The following IL18RAP variants were observed in gnomAD, a reference collection of about 807,000 sequenced individuals.
IL18RAP encodes interleukin-18 receptor accessory protein.
A neutral mutation model predicts 58.1 loss-of-function variants in IL18RAP; 37 were observed. The ratio of observed to expected loss-of-function variants is 0.64; its 90% CI spans 0.49 to 0.84. The LOEUF is 0.84. Among genes scored for constraint, IL18RAP ranks in the 40% least tolerant of loss-of-function variants. IL18RAP has a pLI of 0.00. For synonymous variants in IL18RAP, 268 were observed against 257.5 expected (o/e 1.04, Z -0.39); for missense variants, 667 against 704.8 (o/e 0.95, Z 0.61).
Position 102,447,188 on chromosome 2 carries a change from C to G in IL18RAP, c.1191C>G (p.Ser397Arg). The change falls in exon 8 of 10, where the codon AGC becomes AGG. Residue 397 changes from serine (S) to arginine (R), a missense_variant. By Grantham distance (110) the Ser-to-Arg change is moderately radical. Transcript: ENST00000687160. Reference sequence around the variant, plus strand: ...TGCTGCTGTACCGGACCTACCAGAGCAAGGATCAGACGCTTGGGGGTAAGT... The same window carrying G: ...TGCTGCTGTACCGGACCTACCAGAGGAAGGATCAGACGCTTGGGGGTAAGT... Reference protein sequence around the residue: ...EIVLLYRTYQSKDQTLGDKKD... With the variant: ...EIVLLYRTYQRKDQTLGDKKD... 6.2e-7 allele frequency: 1 copy of G among 1,613,924 alleles called. No homozygotes were observed. Among genetic ancestry groups the G allele is most frequent in the Non-Finnish European group, 8.5e-7 (1 of 1,179,884 alleles).
At position 102,424,341 on chromosome 2, in the gene IL18RAP, G is replaced by A. The variant is rs1681790582; in HGVS notation, c.506G>A (p.Ser169Asn). The change falls in exon 3 of 10, where the codon AGC becomes AAC. Residue 169 changes from serine to asparagine, a missense_variant. Transcript: ENST00000687160. The part of the protein sequence containing the change: ...ASHKQDLLLG[S>N]TGSISCPSLS... ...CATAAGCAAGACCTACTTCTTGGGA[G>A]CACTGGCTCTATTTCTTGCCCCAGT... The A allele has an allele frequency of 2.5e-6, 4 of 1,614,044 alleles. No homozygotes were observed. Among genetic ancestry groups the A allele is most frequent in the Non-Finnish European group, 3.4e-6 (4 of 1,179,956 alleles).
chr2:102,445,096 C>A, intron 6 of IL18RAP, 93 bp from the exon 7 acceptor site: 1 of 1,144,124 alleles, frequency 8.7e-7, no homozygotes, highest in Non-Finnish European at 1.3e-6. Context: ...TCTCTAAAAG[C>A]CAAACTGTTG....
Position 102,424,060 on chromosome 2 carries a change from A to G in IL18RAP, c.320A>G (p.Asp107Gly), listed in dbSNP as rs771076732. The G allele has an allele frequency of 6.2e-7, 1 of 1,614,146 alleles. No homozygotes were observed. The highest frequency in any genetic ancestry group is 1.1e-5 in the South Asian group (1 of 91,076). ...IRKSYPHIIQ[D>G]KCTLHFLTPG... ...AAAAGCTATCCTCACATCATTCAGG[A>G]CAAATGTACCCTTCACTTTTTGACC... is the stretch of plus-strand genomic sequence containing the variant. The change falls in exon 2 of 10, where the codon GAC (aspartate) becomes GGC (glycine). Residue 107 changes from aspartate to glycine, a missense_variant. Asp to Gly is a moderately conservative substitution (Grantham distance 94). Transcript: ENST00000687160.
chr2:102,451,440 C>T (rs1683759387), intron 9 of IL18RAP, among the ~76,000 whole-genome samples: 1 of 152,212 alleles, frequency 6.6e-6, no homozygotes, highest in African/African-American at 2.4e-5. Context: ...CTCAGCCTGT[C>T]CTGCTGGCCT....
chr2:102,441,499 G>C (rs1683101364), intron 5 of IL18RAP, 122 bp downstream of exon 5: 3 of 722,430 alleles, frequency 4.2e-6, no homozygotes, highest in East Asian at 5.5e-5. Flanking sequence ...TCTTAACTCA[G>C]CCATTGACTA....
At position 102,445,352 on chromosome 2, in the gene IL18RAP, A is replaced by AG. The variant is rs766858778; in HGVS notation, c.1072+14dup. 37 of 1,613,290 alleles carry AG rather than the reference A, an allele frequency of 2.3e-5. No individual in the cohort carries two copies. The highest frequency in any genetic ancestry group is 3.3e-5 in the Admixed American group (2 of 59,992). ...AGAAAAGAGAGGAGGTAAGCCCAGA[A>AG]GGTTGCCCAGGAGGCATGAAACTGC... On this transcript the variant is annotated intron_variant, in intron 7 of 9. Coordinates refer to ENST00000687160, the MANE Select transcript of IL18RAP (RefSeq NM_001393487.1).
chr2:102,431,057 T>G (rs2104320619), intron 3 of IL18RAP, among the ~76,000 whole-genome samples: 1 of 152,312 alleles, frequency 6.6e-6, no homozygotes, highest in South Asian at 2.1e-4. Context: ...TGTTATTAAT[T>G]AGCAGGCATT....
rs778543474 is a variant in IL18RAP at position 102,451,766 on chromosome 2, T to G, written c.1385T>G (p.Val462Gly). The G allele has an allele frequency of 6.3e-7, 1 of 1,599,428 alleles. No homozygotes were observed. The highest frequency in any genetic ancestry group is 1.7e-5 in the Admixed American group (1 of 58,124). The change falls in exon 10 of 10, where the codon GTG becomes GGG. Residue 462 changes from valine to glycine, a missense_variant and splice_region_variant. Transcript: ENST00000687160. ...LLERDVAPGG[V>G]YAEDIVSIIK... Reference sequence around the variant, plus strand: ...AAATAATCAAATGTTTTATTTCCAGTGTATGCAGAAGACATTGTGAGCATT... The same window carrying G: ...AAATAATCAAATGTTTTATTTCCAGGGTATGCAGAAGACATTGTGAGCATT...
intron 6 of IL18RAP, 114 bp downstream of exon 6, chr2:102,443,437 G>C: frequency 8.3e-7 from 1 of 1,198,904 alleles, no homozygotes; most frequent in Non-Finnish European, 1.1e-6. Flanking sequence ...GACTAGTGGT[G>C]AAAATAAAAG....
intron 3 of IL18RAP, among the ~76,000 whole-genome samples, chr2:102,433,472 C>T (rs748045919): frequency 6.6e-6 from 1 of 152,210 alleles, no homozygotes; most frequent in Non-Finnish European, 1.5e-5. Context: ...AATCCTCCTG[C>T]CTTGGCCTTC....
At chr2:102,439,881 T>C (rs1682992637) in intron 4 of IL18RAP, 1 of 152,186 alleles carries the variant, frequency 6.6e-6, no homozygotes, top group African/African-American at 2.4e-5. Context: ...GATCGATTTT[T>C]ACATAATATC....
Position 102,446,507 on chromosome 2 carries a change from G to A in IL18RAP, c.1073-563G>A, listed in dbSNP as rs566768542. On this transcript the variant is annotated intron_variant, in intron 7 of 9. Coordinates refer to ENST00000687160, the MANE Select transcript of IL18RAP (RefSeq NM_001393487.1). ...TCCGTTGTATTATTCTTATGCCTTT[G>A]CGTCCTCATAGCTTAGCTCCCATTT... 7.9e-5 allele frequency among the ~76,000 whole-genome samples: 12 copies of A among 151,932 alleles called. No homozygotes were observed. The South Asian group carries it at 2.3e-3, about 29-fold the overall frequency.
Position 102,423,820 on chromosome 2 carries a change from CA to C in IL18RAP, c.87del (p.Lys29AsnfsTer66), listed in dbSNP as rs756319084. On this transcript the variant is annotated frameshift_variant, in exon 2 of 10. Transcript: ENST00000687160. LOFTEE classifies it high-confidence loss of function. ...TTATTATGATTTTCAGGTTGTTCCACAAAAAAACTCCTTTGGACATATTCTA... is the reference window on the plus strand; with the variant it reads ...TTATTATGATTTTCAGGTTGTTCCACAAAAAACTCCTTTGGACATATTCTA... ...IKGFNISGCS[T>X]KKLLWTYSTR... is the part of the protein sequence containing the mutation. 1.2e-6 allele frequency: 2 copies of C among 1,609,476 alleles called. No homozygotes were observed. Among genetic ancestry groups the C allele is most frequent in the South Asian group, 1.1e-5 (1 of 90,966 alleles).
chr2:102,446,080 G>A (rs912199882), intron 7 of IL18RAP, among the ~76,000 whole-genome samples: 1 of 152,126 alleles, frequency 6.6e-6, no homozygotes, highest in African/African-American at 2.4e-5. Flanking sequence ...TGGGACTCCT[G>A]GTCTCAGGAA....
In IL18RAP at chr2:102,447,726, G is replaced by GTATTTATT. The variant is rs1553407355; in HGVS notation, c.1210+533_1210+540dup. Among the ~76,000 whole-genome samples, 865 of 149,744 alleles carry GTATTTATT rather than the reference G, an allele frequency of 5.8e-3. 6 individuals carry two copies. Among genetic ancestry groups the GTATTTATT allele is most frequent in the African/African-American group, 0.019 (763 of 40,168 alleles). On this transcript the variant is annotated intron_variant, in intron 8 of 9. Transcript: ENST00000687160. ...TTCATTTATGTATGTATGTATGTAT[G>GTATTTATT]TATTTATTTATTTATTTATTTTGAG...
chr2:102,419,429 C>T (rs2293225), upstream of IL18RAP: 25,104 of 152,174 alleles, frequency 0.16, 2,469 homozygotes, highest in East Asian at 0.23. Flanking sequence ...TTAAGTCTGC[C>T]TTTGATGGTG....
At position 102,452,193 on chromosome 2, in the gene IL18RAP, G is replaced by A; in HGVS notation, c.*12G>A. ...CTAAGGAATGGTGAAATGAGCCCTG[G>A]AGCCCCCTCCAGTCCAGTCCCTGGG... On this transcript the variant is annotated 3_prime_UTR_variant, in exon 10 of 10. Transcript: ENST00000687160. 1.3e-6 allele frequency: 2 copies of A among 1,586,268 alleles called. No homozygotes were observed. Among genetic ancestry groups the A allele is most frequent in the East Asian group, 4.5e-5 (2 of 44,700 alleles).
intron 8 of IL18RAP, among the ~76,000 whole-genome samples, chr2:102,450,343 C>A (rs1323317738): frequency 6.6e-6 from 1 of 152,012 alleles, no homozygotes; most frequent in Middle Eastern, 3.2e-3. Flanking sequence ...CTTAAAACAG[C>A]CTGCCCAGGA....
chr2:102,425,068 G>C (rs186848226), intron 3 of IL18RAP, among the ~76,000 whole-genome samples: 96 of 152,290 alleles, frequency 6.3e-4, no homozygotes, highest in Non-Finnish European at 1.1e-3. Context: ...ATGATGAAAT[G>C]CTGCCTAACC....
Sources: allele counts gnomAD v4.1 joint callset (sites outside exome capture counted in the v4.1 genomes callset), GRCh38; gene constraint gnomAD v4.1.1; transcripts MANE v1.5; gene names NCBI Gene and HGNC (gene_info 2026-07-23, HGNC 2026-07-21).